PDE1A: variants seen among roughly 807,000 people sequenced by gnomAD.
PDE1A encodes the protein phosphodiesterase 1A, also known as dual specificity calcium/calmodulin-dependent 3',5'-cyclic nucleotide phosphodiesterase 1A.
PDE1A carries 35 observed loss-of-function variants against 61.7 expected under a neutral mutation model. The ratio of observed to expected loss-of-function variants is 0.57; its 90% CI spans 0.43 to 0.75. The LOEUF is 0.75. Ranked by LOEUF, PDE1A falls within the 30% of genes least tolerant of loss-of-function variation. The pLI, the probability that PDE1A is intolerant of heterozygous loss-of-function variation, is 0.00. For missense variants in PDE1A, 597 were observed against 630.6 expected (o/e 0.95, Z 0.57); for synonymous variants, 232 against 213.2 (o/e 1.09, Z -0.77).
At chr2:182,270,277 T>C (rs1476331676) in intron 1 of PDE1A, among the ~76,000 whole-genome samples, 7 of 152,104 alleles carry the variant, frequency 4.6e-5, no homozygotes, top group Non-Finnish European at 7.4e-5. Context: ...GAACAAAGAG[T>C]ACTGAGTTGT....
At chr2:182,609,265 A>G in the PDE1A span, among the ~76,000 whole-genome samples, 1 of 152,198 alleles carries the variant, frequency 6.6e-6, no homozygotes, top group Non-Finnish European at 1.5e-5. Flanking sequence ...CGGACCAATC[A>G]GCTCTCTGCA....
intron 1 of PDE1A, among the ~76,000 whole-genome samples, chr2:182,300,090 T>C (rs1435294153): frequency 1.3e-5 from 2 of 152,200 alleles, no homozygotes; most frequent in African/African-American, 2.4e-5. Context: ...AACAAGTTAT[T>C]GTACTTTGCA....
chr2:182,680,215 CTTT>C, the PDE1A span, among the ~76,000 whole-genome samples: 10 of 139,864 alleles, frequency 7.1e-5, no homozygotes, highest in South Asian at 7.0e-4. Context: ...TTATCAGCGA[CTTT>C]TTTTTTTTTT....
chr2:182,681,691 G>C, the PDE1A span, among the ~76,000 whole-genome samples: 1 of 151,928 alleles, frequency 6.6e-6, no homozygotes, highest in Admixed American at 6.6e-5. Context: ...GTCTCGCTCT[G>C]TCACTGAGCA....
the PDE1A span, among the ~76,000 whole-genome samples, chr2:182,689,527 C>A: frequency 0.015 from 2,350 of 152,164 alleles, 38 homozygotes; most frequent in East Asian, 0.082. Context: ...ACATTTAAAG[C>A]AGTGTGTAGA....
At chr2:182,610,445 G>A in the PDE1A span, among the ~76,000 whole-genome samples, 8 of 152,144 alleles carry the variant, frequency 5.3e-5, no homozygotes, top group African/African-American at 1.4e-4. Context: ...TGCTCTCTGC[G>A]GTTGAGGCAA....
chr2:182,396,505 T>C (rs114173396), intron 1 of PDE1A, among the ~76,000 whole-genome samples: 5,908 of 152,340 alleles, frequency 0.039, 139 homozygotes, highest in Middle Eastern at 0.071. Flanking sequence ...ACATGACCAG[T>C]TGCAGAAATG....
chr2:182,372,905 A>G (rs1243463213), intron 1 of PDE1A, among the ~76,000 whole-genome samples: 1 of 152,212 alleles, frequency 6.6e-6, no homozygotes, highest in Non-Finnish European at 1.5e-5. Flanking sequence ...GCAGCACAGA[A>G]AACAGAAATG....
At chr2:182,704,456 AG>A in the PDE1A span, among the ~76,000 whole-genome samples, 3 of 152,212 alleles carry the variant, frequency 2.0e-5, no homozygotes, top group African/African-American at 7.2e-5. Context: ...AAAATGTATT[AG>A]GAAGTTAGGC....
chr2:182,510,494 T>C (rs1440278690), intron 2 of PDE1A, among the ~76,000 whole-genome samples: 1 of 152,204 alleles, frequency 6.6e-6, no homozygotes, highest in Non-Finnish European at 1.5e-5. Flanking sequence ...TTGAAATATG[T>C]TAAATGACAA....
At chr2:182,613,965 G>T in the PDE1A span, among the ~76,000 whole-genome samples, 1 of 152,170 alleles carries the variant, frequency 6.6e-6, no homozygotes, top group Non-Finnish European at 1.5e-5. Context: ...TGATAAGCAA[G>T]TACCACCTCA....
intron 10 of PDE1A, 57 bp downstream of exon 10, chr2:182,201,382 G>A (rs757091297): frequency 1.4e-4 from 215 of 1,591,508 alleles, no homozygotes; most frequent in Non-Finnish European, 1.6e-4. Context: ...AAAGGTGTAC[G>A]CTAATATGCA....
chr2:182,288,325 C>G (rs1251373310), intron 1 of PDE1A, among the ~76,000 whole-genome samples: 1 of 152,078 alleles, frequency 6.6e-6, no homozygotes, highest in Non-Finnish European at 1.5e-5. Context: ...CAAAGGTAAT[C>G]GCCGTACACA....
At chr2:182,295,107 G>A (rs1332890483) in intron 1 of PDE1A, among the ~76,000 whole-genome samples, 1 of 103,834 alleles carries the variant, frequency 9.6e-6, no homozygotes, top group Non-Finnish European at 1.8e-5. Flanking sequence ...TCGCTCTGTC[G>A]CCCAGGCCAG....
At chr2:182,502,363 T>G (rs954651857) in intron 2 of PDE1A, among the ~76,000 whole-genome samples, 19 of 152,096 alleles carry the variant, frequency 1.2e-4, no homozygotes, top group African/African-American at 4.3e-4. Flanking sequence ...TCTGTGTATC[T>G]GTATCTGTGT....
At chr2:182,509,809 A>C (rs1342984557) in intron 2 of PDE1A, among the ~76,000 whole-genome samples, 1 of 152,180 alleles carries the variant, frequency 6.6e-6, no homozygotes, top group Non-Finnish European at 1.5e-5. Context: ...TCTTGCTCCA[A>C]ATACAGCTTA....
intron 2 of PDE1A, among the ~76,000 whole-genome samples, chr2:182,473,694 AT>A (rs1687180095): frequency 6.6e-6 from 1 of 151,822 alleles, no homozygotes; most frequent in Non-Finnish European, 1.5e-5. Context: ...CTATGTGTCC[AT>A]GTGTTCTCAT....
chr2:182,669,320 T>A, the PDE1A span, among the ~76,000 whole-genome samples: 2,721 of 152,310 alleles, frequency 0.018, 59 homozygotes, highest in African/African-American at 0.056. Flanking sequence ...GGGTCAGGTG[T>A]TGCTTAATTA....
At chr2:182,318,490 C>T (rs1003855732) in intron 1 of PDE1A, among the ~76,000 whole-genome samples, 4 of 152,130 alleles carry the variant, frequency 2.6e-5, no homozygotes, top group African/African-American at 9.7e-5. Flanking sequence ...TAAGTCCATA[C>T]AATCAAGAAA....
Sources: gnomAD v4.1 joint callset for allele counts (sites outside exome capture counted in the v4.1 genomes callset) on GRCh38, gnomAD v4.1.1 for gene constraint, MANE v1.5 for transcripts, NCBI Gene and HGNC (gene_info 2026-07-23, HGNC 2026-07-21) for gene names.